GJC3: variants seen among roughly 807,000 people sequenced by gnomAD.
The protein encoded by GJC3 is gap junction protein gamma 3, also known as gap junction gamma-3 protein.
Under a neutral mutation model 19.8 loss-of-function variants are expected in GJC3, and 17 were observed. The ratio of observed to expected loss-of-function variants is 0.86; its 90% CI spans 0.59 to 1.29. The LOEUF (loss-of-function observed/expected upper bound fraction) is 1.29, where lower values mean the gene tolerates loss of function less well. GJC3 is among the 50% of genes most tolerant of loss of function. The pLI, the probability that GJC3 is intolerant of heterozygous loss-of-function variation, is 0.00. For missense variants in GJC3, 317 were observed against 332.5 expected (o/e 0.95, Z 0.36); for synonymous variants, 140 against 136.5 (o/e 1.03, Z -0.18).
chr7:99,929,818 AAC>A, upstream of GJC3: 5 of 622,798 alleles, frequency 8.0e-6, no homozygotes, highest in Admixed American at 2.7e-5. Flanking sequence ...GTAAAATAAT[AAC>A]AGTGAGTGTG....
intron 1 of GJC3, 68 bp downstream of exon 1, chr7:99,928,772 G>T: frequency 6.8e-7 from 1 of 1,471,896 alleles, no homozygotes; most frequent in African/African-American, 1.4e-5. Context: ...AAAGGTGAGG[G>T]ACCTGCCCCG....
chr7:99,929,755 T>TTAAA, upstream of GJC3: 1 of 776,806 alleles, frequency 1.3e-6, no homozygotes, highest in Non-Finnish European at 2.1e-6. Context: ...ATCTGACTGA[T>TTAAA]TAAATACCAA....
chr7:99,928,806 C>T, intron 1 of GJC3, 34 bp downstream of exon 1: 2 of 1,605,168 alleles, frequency 1.2e-6, no homozygotes, highest in South Asian at 1.1e-5. Context: ...AGGACACAAA[C>T]ATCAGTGACA....
At position 99,929,566 on chromosome 7, in the gene GJC3, G is replaced by A. The variant is rs759126840; in HGVS notation, c.55C>T (p.Pro19Ser). 7.4e-6 allele frequency: 12 copies of A among 1,612,262 alleles called. No individual in the cohort carries two copies. In the Admixed American group the frequency reaches 1.8e-4, roughly 25 times the overall value. Residue 19 changes from proline (P) to serine (S), a missense_variant, in exon 1 of 2, where the codon CCC (proline) becomes TCC (serine). Pro to Ser is a moderately conservative substitution (Grantham distance 74). Coordinates refer to ENST00000312891, the MANE Select transcript of GJC3 (RefSeq NM_181538.3). ...ACGGGAAGCAAGAGGCGCCCCACGG[G>A]GGTGGAGCGCCGGCTCTCCTCCGCC... is the stretch of plus-strand genomic sequence containing the variant. The part of the protein sequence containing the change: ...LLAEESRRST[P>S]VGRLLLPVLL...
upstream of GJC3, chr7:99,929,719 G>T: frequency 4.2e-6 from 5 of 1,203,362 alleles, no homozygotes; most frequent in Non-Finnish European, 5.9e-6. Flanking sequence ...ATCACTGAAG[G>T]CAAGCTTTTT....
rs1819719096 is a variant in GJC3 at position 99,923,346 on chromosome 7, G to A, written c.*199C>T. 1 of 623,636 alleles carries A rather than the reference G, an allele frequency of 1.6e-6. No homozygotes were observed. The highest frequency in any genetic ancestry group is 2.5e-5 in the Admixed American group (1 of 39,724). 38.6% of individuals were successfully genotyped at this position (623,636 alleles called of 1,614,324 possible). A position where few individuals can be genotyped will look rare whatever the true frequency, so the allele number is the denominator to read the frequency against. On this transcript the variant is annotated 3_prime_UTR_variant, in exon 2 of 2. Transcript: ENST00000312891. Reference sequence around the variant, plus strand: ...TAATTCCCCAAAGCAATGCCTCCCTGAGCAATGGTGCAAACATGGCTTTTA... The same window carrying A: ...TAATTCCCCAAAGCAATGCCTCCCTAAGCAATGGTGCAAACATGGCTTTTA...
chr7:99,925,634 C>G (rs1352302219), intron 1 of GJC3, among the ~76,000 whole-genome samples: 1 of 152,106 alleles, frequency 6.6e-6, no homozygotes. Context: ...ATCATACATA[C>G]AATAAGTATC....
intron 1 of GJC3, among the ~76,000 whole-genome samples, chr7:99,926,737 G>A (rs557531785): frequency 6.6e-6 from 1 of 152,222 alleles, no homozygotes; most frequent in African/African-American, 2.4e-5. Flanking sequence ...TATTAAATTG[G>A]TAGTGTTGAT....
chr7:99,924,724 A>G (rs1225437649), intron 1 of GJC3, among the ~76,000 whole-genome samples: 1 of 152,188 alleles, frequency 6.6e-6, no homozygotes, highest in African/African-American at 2.4e-5. Context: ...TACTTTGGGT[A>G]TAATCCAATA....
Position 99,929,040 on chromosome 7 carries a change from G to T in GJC3, c.581C>A (p.Thr194Asn). ...ACAGAAACCGCTGACTCCAAACATG[G>T]TCTTTAGGAAAATGGTCTTCTCAGA... ...RPSEKTIFLK[T>N]MFGVSGFCLL... The change falls in exon 1 of 2, where the codon ACC becomes AAC. Residue 194 changes from threonine to asparagine, a missense_variant. By Grantham distance (65) the Thr-to-Asn change is moderately conservative. Transcript: ENST00000312891. 6.2e-7 allele frequency: 1 copy of T among 1,614,160 alleles called. No homozygotes were observed.
chr7:99,923,312 C>T lies in GJC3; in HGVS notation c.*233G>A, dbSNP rs755738362. The T allele has an allele frequency of 2.2e-4, 127 of 576,264 alleles. No individual in the cohort carries two copies. Among genetic ancestry groups the T allele is most frequent in the Non-Finnish European group, 3.4e-4 (111 of 321,800 alleles). 35.7% of individuals were successfully genotyped at this position (576,264 alleles called of 1,614,324 possible). On this transcript the variant is annotated 3_prime_UTR_variant, in exon 2 of 2. Coordinates refer to ENST00000312891, the MANE Select transcript of GJC3 (RefSeq NM_181538.3). The stretch of plus-strand genomic sequence containing the variant: ...TATTACTTGCGATAAGTAAGGAGGA[C>T]ACTGGGAATAATTCCCCAAAGCAAT...
chr7:99,928,402 A>G (rs1401699179), intron 1 of GJC3, among the ~76,000 whole-genome samples: 1 of 152,276 alleles, frequency 6.6e-6, no homozygotes, highest in African/African-American at 2.4e-5. Context: ...AGATCCTTCA[A>G]CAGCCTCTAA....
chr7:99,929,151 T>A lies in GJC3; in HGVS notation c.470A>T (p.His157Leu). Reference protein sequence around the residue: ...LEGAALGLQYHLYGFQMPSSF... With the variant: ...LEGAALGLQYLLYGFQMPSSF... Reference sequence around the variant, plus strand: ...GCTGGGCATCTGGAACCCATACAGGTGGTACTGCAACCCCAGGGCTGCCCC... The same window carrying A: ...GCTGGGCATCTGGAACCCATACAGGAGGTACTGCAACCCCAGGGCTGCCCC... The change falls in exon 1 of 2, where the codon CAC becomes CTC. Residue 157 changes from histidine to leucine, a missense_variant. Coordinates refer to ENST00000312891, the MANE Select transcript of GJC3 (RefSeq NM_181538.3). 6.2e-7 allele frequency: 1 copy of A among 1,613,800 alleles called. No homozygotes were observed.
In GJC3 at chr7:99,923,621, T is replaced by G. The variant is rs780202896; in HGVS notation, c.782-18A>C. 3 of 780,746 alleles carry G rather than the reference T, an allele frequency of 3.8e-6. No individual in the cohort carries two copies. In the Admixed American group the frequency reaches 5.1e-5, roughly 13 times the overall value. The allele number at this position is 780,746 out of a possible 1,614,324, so 48.4% of individuals were successfully genotyped here. ...TCCTGGAACTTTTTAAAACAAAAAT[T>G]CAAGATGTAACAGTTACAAGTGTGT... is the stretch of plus-strand genomic sequence containing the variant. On this transcript the variant is annotated intron_variant, in intron 1 of 1. Coordinates refer to ENST00000312891, the MANE Select transcript of GJC3 (RefSeq NM_181538.3).
At position 99,929,306 on chromosome 7, in the gene GJC3, T is replaced by G; in HGVS notation, c.315A>C (p.Leu105Phe). 6.2e-7 allele frequency: 1 copy of G among 1,614,148 alleles called. No homozygotes were observed. Among genetic ancestry groups the G allele is most frequent in the Non-Finnish European group, 8.5e-7 (1 of 1,180,032 alleles). ...TCTCCTCCTCCTTCCCCTTTCCTGA[T>G]AATTCCCAGTGCCAGATCACGTGAT... ...TLYHVIWHWELSGKGKEEETL... is the reference protein window; with the variant it reads ...TLYHVIWHWEFSGKGKEEETL... Residue 105 changes from leucine (L) to phenylalanine (F), a missense_variant, in exon 1 of 2, where the codon TTA becomes TTC. By Grantham distance (22) the Leu-to-Phe change is conservative. Coordinates refer to ENST00000312891, the MANE Select transcript of GJC3 (RefSeq NM_181538.3).
chr7:99,927,566 A>G (rs1160556624), intron 1 of GJC3, among the ~76,000 whole-genome samples: 2 of 152,184 alleles, frequency 1.3e-5, no homozygotes, highest in African/African-American at 4.8e-5. Flanking sequence ...GAAAGAGAAA[A>G]AAAAATAGAT....
chr7:99,923,400 T>C lies in GJC3; in HGVS notation c.*145A>G, dbSNP rs1819719869. On this transcript the variant is annotated 3_prime_UTR_variant, in exon 2 of 2. Transcript: ENST00000312891. ...GTCTGGTTAGCTGAGTCATTGTATG[T>C]AGAGGTGGAGTCAAGGCAGCGCAGT... 1 of 745,062 alleles carries C rather than the reference T, an allele frequency of 1.3e-6. No individual in the cohort carries two copies. The highest frequency in any genetic ancestry group is 1.7e-5 in the African/African-American group (1 of 58,580). The allele number at this position is 745,062 out of a possible 1,614,324, so 46.2% of individuals were successfully genotyped here.
At chr7:99,925,533 TG>T (rs1362391418) in intron 1 of GJC3, among the ~76,000 whole-genome samples, 1 of 152,142 alleles carries the variant, frequency 6.6e-6, no homozygotes, top group Non-Finnish European at 1.5e-5. Flanking sequence ...AAGAAAAAAT[TG>T]GATGTTAGAC....
Position 99,929,119 on chromosome 7 carries a change from C to T in GJC3, c.502G>A (p.Ala168Thr), listed in dbSNP as rs1819854870. ...CCAAGGCAAGGTTCTCGGCGACATG[C>T]AAAGGAGCTGGGCATCTGGAACCCA... ...LYGFQMPSSFACRREPCLGSI... is the reference protein window; with the variant it reads ...LYGFQMPSSFTCRREPCLGSI... The change falls in exon 1 of 2, where the codon GCA becomes ACA. Residue 168 changes from alanine to threonine, a missense_variant. Coordinates refer to ENST00000312891, the MANE Select transcript of GJC3 (RefSeq NM_181538.3). The T allele has an allele frequency of 3.1e-6, 5 of 1,613,868 alleles. No homozygotes were observed. The highest frequency in any genetic ancestry group is 4.2e-6 in the Non-Finnish European group (5 of 1,180,022).
Sources: allele counts gnomAD v4.1 joint callset (sites outside exome capture counted in the v4.1 genomes callset), GRCh38; gene constraint gnomAD v4.1.1; transcripts MANE v1.5; gene names NCBI Gene and HGNC (gene_info 2026-07-23, HGNC 2026-07-21).